SHROOM3: variants seen among roughly 807,000 people sequenced by gnomAD.
SHROOM3 encodes the protein shroom family member 3.
In SHROOM3, 47 loss-of-function variants were observed where a neutral mutation model predicts 138.6. That is an observed-to-expected ratio of 0.34 (90% confidence interval 0.27 to 0.43). The LOEUF is 0.43. Ranked by LOEUF, SHROOM3 falls within the 20% of genes least tolerant of loss-of-function variation. The pLI is 1.00. For missense variants in SHROOM3, 2,491 were observed against 2,596.5 expected (o/e 0.96, Z 0.88); for synonymous variants, 1,062 against 1,063.3 (o/e 1.00, Z 0.02).
intron 2 of SHROOM3, among the ~76,000 whole-genome samples, chr4:76,700,409 G>A (rs1390231443): frequency 6.6e-6 from 1 of 152,182 alleles, no homozygotes; most frequent in African/African-American, 2.4e-5. Context: ...CTGATGCTTG[G>A]ATACCTGCCC....
At chr4:76,527,486 G>T (rs1220650861) in intron 1 of SHROOM3, among the ~76,000 whole-genome samples, 1 of 152,234 alleles carries the variant, frequency 6.6e-6, no homozygotes, top group Non-Finnish European at 1.5e-5. Context: ...GGGAGGCTGA[G>T]GTGGGAGAAT....
chr4:76,579,240 G>A (rs1477430293), intron 2 of SHROOM3, among the ~76,000 whole-genome samples: 1 of 151,746 alleles, frequency 6.6e-6, no homozygotes, highest in Non-Finnish European at 1.5e-5. Flanking sequence ...AGGCCAAGGC[G>A]GGCAGATCAC....
intron 2 of SHROOM3, among the ~76,000 whole-genome samples, chr4:76,602,406 C>T (rs1734524895): frequency 6.6e-6 from 1 of 151,944 alleles, no homozygotes; most frequent in Non-Finnish European, 1.5e-5. Context: ...TTTTTCTATG[C>T]ATTTGTCTAT....
At chr4:76,716,456 C>T (rs765914061) in intron 3 of SHROOM3, 1 of 518,264 alleles carries the variant, frequency 1.9e-6, no homozygotes, top group Non-Finnish European at 3.9e-6. Context: ...TCTTTCATTG[C>T]AGGATCCTCC....
At chr4:76,514,399 A>C (rs149365780) in intron 1 of SHROOM3, among the ~76,000 whole-genome samples, 1 of 152,240 alleles carries the variant, frequency 6.6e-6, no homozygotes, top group East Asian at 1.9e-4. Context: ...ACCAAAGGCC[A>C]CATATTGCAT....
In SHROOM3 at chr4:76,738,935, C is replaced by T; in HGVS notation, c.762C>T (p.Asn254=). ...GSIDQLSHFH[N]KRDSAYSSFS... ...TTGACCAGCTCAGCCACTTCCATAA[C>T]AAGAGAGACTCGGCTTACAGCTCTT... is the stretch of plus-strand genomic sequence containing the variant. Residue 254 remains asparagine, a synonymous_variant, in exon 5 of 11, where the codon AAC becomes AAT. Coordinates refer to ENST00000296043, the MANE Select transcript of SHROOM3 (RefSeq NM_020859.4). The T allele has an allele frequency of 1.9e-6, 3 of 1,614,264 alleles. No individual in the cohort carries two copies. Among genetic ancestry groups the T allele is most frequent in the Middle Eastern group, 1.6e-4 (1 of 6,062 alleles).
chr4:76,776,224 A>G (rs961713198), intron 10 of SHROOM3, among the ~76,000 whole-genome samples: 11 of 152,172 alleles, frequency 7.2e-5, no homozygotes, highest in African/African-American at 2.4e-4. Context: ...AGAACTGTTC[A>G]GCAGTTTTTC....
At chr4:76,604,363 A>T (rs1219536301) in intron 2 of SHROOM3, among the ~76,000 whole-genome samples, 1 of 152,186 alleles carries the variant, frequency 6.6e-6, no homozygotes, top group Admixed American at 6.5e-5. Flanking sequence ...CTAATGCATG[A>T]TAGGATCAAA....
At chr4:76,706,148 AGTCTCC>A (rs1311487414) in intron 2 of SHROOM3, among the ~76,000 whole-genome samples, 1 of 152,150 alleles carries the variant, frequency 6.6e-6, no homozygotes, top group Admixed American at 6.5e-5. Flanking sequence ...TTTGAGACGG[AGTCTCC>A]GTCTGTTGCC....
intron 10 of SHROOM3, among the ~76,000 whole-genome samples, chr4:76,775,205 A>G (rs1299786629): frequency 3.3e-5 from 5 of 152,068 alleles, no homozygotes; most frequent in Non-Finnish European, 7.4e-5. Flanking sequence ...AGAACATAAA[A>G]CGTTTGGTTT....
intron 5 of SHROOM3, among the ~76,000 whole-genome samples, chr4:76,747,287 T>C (rs557609181): frequency 6.6e-6 from 1 of 152,322 alleles, no homozygotes; most frequent in East Asian, 1.9e-4. Flanking sequence ...CACTTTGTAC[T>C]TCTTACCAAT....
intron 1 of SHROOM3, among the ~76,000 whole-genome samples, chr4:76,488,851 CA>C (rs548851092): frequency 8.3e-6 from 1 of 120,666 alleles, no homozygotes; most frequent in South Asian, 2.4e-4. Context: ...CCTATGAGGT[CA>C]AAACTTGTTT....
intron 1 of SHROOM3, among the ~76,000 whole-genome samples, chr4:76,533,178 C>T (rs1167339567): frequency 1.3e-5 from 2 of 152,102 alleles, no homozygotes; most frequent in South Asian, 2.1e-4. Flanking sequence ...GAATGCAAAA[C>T]CATTAATAAG....
At chr4:76,679,811 G>A (rs899882648) in intron 2 of SHROOM3, among the ~76,000 whole-genome samples, 1 of 152,226 alleles carries the variant, frequency 6.6e-6, no homozygotes, top group Non-Finnish European at 1.5e-5. Context: ...AGGACCTACC[G>A]GTATTTGAAT....
intron 2 of SHROOM3, among the ~76,000 whole-genome samples, chr4:76,651,397 C>T (rs1331372194): frequency 1.4e-5 from 1 of 71,382 alleles, no homozygotes. Flanking sequence ...TCATGTAACC[C>T]ATAAATATAT....
At chr4:76,623,361 C>G (rs2110067461) in intron 2 of SHROOM3, among the ~76,000 whole-genome samples, 1 of 152,254 alleles carries the variant, frequency 6.6e-6, no homozygotes, top group Non-Finnish European at 1.5e-5. Flanking sequence ...AGTCAAAGAC[C>G]ATAAGCATGA....
intron 1 of SHROOM3, among the ~76,000 whole-genome samples, chr4:76,474,198 G>T (rs1213273601): frequency 2.0e-5 from 3 of 152,198 alleles, no homozygotes; most frequent in Admixed American, 1.3e-4. Flanking sequence ...GCCACACATT[G>T]TATAATTCCA....
At chr4:76,710,802 G>T (rs1257725748) in intron 3 of SHROOM3, among the ~76,000 whole-genome samples, 1 of 152,046 alleles carries the variant, frequency 6.6e-6, no homozygotes, top group African/African-American at 2.4e-5. Flanking sequence ...ATGAACCTGA[G>T]TGCTTCCCAT....
chr4:76,626,633 A>G (rs1488497469), intron 2 of SHROOM3, among the ~76,000 whole-genome samples: 2 of 152,182 alleles, frequency 1.3e-5, no homozygotes, highest in Non-Finnish European at 2.9e-5. Context: ...CAGGCATTTT[A>G]TTTGCATCAT....
Sources: allele counts gnomAD v4.1 joint callset (sites outside exome capture counted in the v4.1 genomes callset), GRCh38; gene constraint gnomAD v4.1.1; transcripts MANE v1.5; gene names NCBI Gene and HGNC (gene_info 2026-07-23, HGNC 2026-07-21).